BCAS4: variants seen among roughly 807,000 people sequenced by gnomAD.
The protein encoded by BCAS4 is breast carcinoma-amplified sequence 4.
BCAS4 carries 9 observed loss-of-function variants against 15.7 expected under a neutral mutation model. That is an observed-to-expected ratio of 0.57 (90% confidence interval 0.34 to 1.00). The LOEUF (loss-of-function observed/expected upper bound fraction) is 1.00. Ranked by LOEUF, BCAS4 falls within the 50% of genes least tolerant of loss-of-function variation. The pLI, the probability that BCAS4 is intolerant of heterozygous loss-of-function variation, is 0.02. For synonymous variants in BCAS4, 101 were observed against 99.5 expected (o/e 1.02, Z -0.09); for missense variants, 225 against 239.1 (o/e 0.94, Z 0.39).
Position 50,814,560 on chromosome 20 carries a change from G to A in BCAS4, c.91-3651G>A, listed in dbSNP as rs574637922. ...TCAGCCTCCCAGCGTTGGGATTACAGGCATGAGCCGCTCTACCCAGCCCCA... is the reference window on the plus strand; with the variant it reads ...TCAGCCTCCCAGCGTTGGGATTACAAGCATGAGCCGCTCTACCCAGCCCCA... On this transcript the variant is annotated intron_variant, in intron 1 of 4. Transcript: ENST00000371608. Among the ~76,000 whole-genome samples the A allele has an allele frequency of 6.6e-5, 10 of 152,368 alleles. No homozygotes were observed. In the South Asian group the frequency reaches 2.1e-3, roughly 32 times the overall value.
chr20:50,810,589 G>GT (rs11316235), intron 1 of BCAS4, among the ~76,000 whole-genome samples: 21,466 of 135,910 alleles, frequency 0.16, 1,761 homozygotes, highest in African/African-American at 0.18. Flanking sequence ...TTTTTTTTGT[G>GT]TTTTTTTTTT....
At position 50,840,454 on chromosome 20, in the gene BCAS4, C is replaced by T. The variant is rs772587116; in HGVS notation, c.265-1312C>T. 50 of 860,462 alleles carry T rather than the reference C, an allele frequency of 5.8e-5. 1 individual carries two copies. The highest frequency in any genetic ancestry group is 4.3e-4 in the South Asian group (31 of 72,764). 53.3% of individuals were successfully genotyped at this position (860,462 alleles called of 1,614,324 possible). A position where few individuals can be genotyped will look rare whatever the true frequency, so the allele number is the denominator to read the frequency against. ...GATAGACAGATGGGAGAGGCAGTCG[C>T]GGCCTTCGTTGTCAGTAGTTCTTTG... On this transcript the variant is annotated intron_variant, in intron 3 of 4. Coordinates refer to ENST00000371608, the MANE Select transcript of BCAS4 (RefSeq NM_198799.4).
Position 50,841,589 on chromosome 20 carries a change from G to T in BCAS4, c.265-177G>T, listed in dbSNP as rs185275729. On this transcript the variant is annotated intron_variant, in intron 3 of 4. Transcript: ENST00000371608. ...CAGCGGGAGCTGTGACCGTTGTCAGGGTTTCTGCAGGTGCCCCTCCAGCTA... is the reference window on the plus strand; with the variant it reads ...CAGCGGGAGCTGTGACCGTTGTCAGTGTTTCTGCAGGTGCCCCTCCAGCTA... Among the ~76,000 whole-genome samples, 43 of 152,256 alleles carry T rather than the reference G, an allele frequency of 2.8e-4. No individual in the cohort carries two copies. In the East Asian group the frequency reaches 7.6e-3, roughly 27 times the overall value.
chr20:50,846,475 AT>A, intron 4 of BCAS4, among the ~76,000 whole-genome samples: 1 of 152,260 alleles, frequency 6.6e-6, no homozygotes, highest in East Asian at 1.9e-4. Context: ...TATTAAAATA[AT>A]ACCTTTTTGA....
At chr20:50,801,344 T>C (rs527455757) in intron 1 of BCAS4, among the ~76,000 whole-genome samples, 1 of 152,252 alleles carries the variant, frequency 6.6e-6, no homozygotes, top group African/African-American at 2.4e-5. Context: ...GAGAATTGCT[T>C]GAACCCGGGA....
In BCAS4 at chr20:50,851,376, G is replaced by A. The variant is rs1468779620; in HGVS notation, c.399+9476G>A. On this transcript the variant is annotated intron_variant, in intron 4 of 4. Transcript: ENST00000371608. The surrounding 1 kb of genome is among the most constrained non-coding windows in gnomAD (Gnocchi z 4.3). Reference sequence around the variant, plus strand: ...CCAGCCCCCTCCCCACGGCTCCCAGGGACCTCCCGGGTTCGTTTCCTTCAA... The same window carrying A: ...CCAGCCCCCTCCCCACGGCTCCCAGAGACCTCCCGGGTTCGTTTCCTTCAA... Among the ~76,000 whole-genome samples the A allele has an allele frequency of 6.6e-6, 1 of 152,130 alleles. No individual in the cohort carries two copies. The highest frequency in any genetic ancestry group is 1.9e-4 in the East Asian group (1 of 5,180).
chr20:50,830,348 C>T lies in BCAS4; in HGVS notation c.232C>T (p.Arg78Cys), dbSNP rs111566476. ...CCTTAAGGCCAAACTGACAGAAATG[C>T]GTGGCATCTATGCCAAAGTGGACCG... ...PVLKAKLTEMRGIYAKVDRLE... is the reference protein window; with the variant it reads ...PVLKAKLTEMCGIYAKVDRLE... Residue 78 changes from arginine to cysteine, a missense_variant, in exon 3 of 5, where the codon CGT becomes TGT. Coordinates refer to ENST00000371608, the MANE Select transcript of BCAS4 (RefSeq NM_198799.4). 43 of 1,613,524 alleles carry T rather than the reference C, an allele frequency of 2.7e-5. No individual in the cohort carries two copies. Among genetic ancestry groups the T allele is most frequent in the Middle Eastern group, 1.6e-4 (1 of 6,078 alleles).
chr20:50,848,495 G>C (rs115826441), intron 4 of BCAS4, among the ~76,000 whole-genome samples: 13 of 152,376 alleles, frequency 8.5e-5, no homozygotes, highest in African/African-American at 2.9e-4. Flanking sequence ...CCAGGGCAGA[G>C]TGGAGAGAGA....
intron 1 of BCAS4, among the ~76,000 whole-genome samples, chr20:50,797,959 G>C (rs113794154): frequency 0.21 from 32,316 of 151,700 alleles, 3,636 homozygotes; most frequent in African/African-American, 0.29. Flanking sequence ...GCCACTGTGC[G>C]TGGCCACCTA....
At chr20:50,812,865 G>A (rs1283646137) in intron 1 of BCAS4, among the ~76,000 whole-genome samples, 1 of 152,022 alleles carries the variant, frequency 6.6e-6, no homozygotes, top group East Asian at 1.9e-4. Flanking sequence ...ATCCAGGCTG[G>A]AGTGCAGTGG....
At chr20:50,810,942 T>C (rs962715372) in intron 1 of BCAS4, among the ~76,000 whole-genome samples, 2 of 151,900 alleles carry the variant, frequency 1.3e-5, no homozygotes, top group Non-Finnish European at 2.9e-5. Flanking sequence ...GAAAAGTAAA[T>C]TGGGGCAGGA....
At chr20:50,846,875 A>C (rs1305060686) in intron 4 of BCAS4, 1 of 151,962 alleles carries the variant, frequency 6.6e-6, no homozygotes, top group African/African-American at 2.4e-5. Flanking sequence ...CGGCCTCCCA[A>C]AGTGCTGGGA....
chr20:50,857,109 G>C (rs762678064), intron 4 of BCAS4, among the ~76,000 whole-genome samples: 2 of 152,188 alleles, frequency 1.3e-5, no homozygotes, highest in Non-Finnish European at 2.9e-5. Context: ...AGAATGAAAT[G>C]AGCCTTCACT....
intron 2 of BCAS4, among the ~76,000 whole-genome samples, chr20:50,828,218 C>T (rs1035125509): frequency 5.3e-4 from 81 of 151,762 alleles, no homozygotes; most frequent in African/African-American, 1.4e-3. Flanking sequence ...AACGAGTATC[C>T]CTGAGGACAC....
At chr20:50,807,940 C>A (rs1327229511) in intron 1 of BCAS4, among the ~76,000 whole-genome samples, 1 of 145,566 alleles carries the variant, frequency 6.9e-6, no homozygotes, top group African/African-American at 2.6e-5. Flanking sequence ...GGGAGTCTCG[C>A]TCTCTTACCC....
downstream of BCAS4, chr20:50,881,807 C>G (rs371247151): frequency 6.6e-6 from 1 of 152,036 alleles, no homozygotes; most frequent in Non-Finnish European, 1.5e-5. Context: ...ATTACAGGTG[C>G]GCACCACCAT....
At chr20:50,795,272 A>G (rs1445243319) in intron 1 of BCAS4, 99 bp downstream of exon 1, 1 of 1,110,012 alleles carries the variant, frequency 9.0e-7, no homozygotes, top group African/African-American at 1.6e-5. Flanking sequence ...TCGCTCCCGG[A>G]GTGGGGGGCC....
intron 2 of BCAS4, among the ~76,000 whole-genome samples, chr20:50,823,331 C>T (rs2088239730): frequency 2.0e-5 from 3 of 151,948 alleles, no homozygotes; most frequent in South Asian, 4.1e-4. Context: ...CAGAGTGAGA[C>T]TCCGTCCCCC....
intron 2 of BCAS4, among the ~76,000 whole-genome samples, chr20:50,829,691 C>T (rs1318371257): frequency 6.6e-6 from 1 of 151,896 alleles, no homozygotes; most frequent in Non-Finnish European, 1.5e-5. Flanking sequence ...GAACCATCAG[C>T]GTCTGATATC....
Sources: allele counts gnomAD v4.1 joint callset (sites outside exome capture counted in the v4.1 genomes callset), GRCh38; gene constraint gnomAD v4.1.1; non-coding constraint Gnocchi (gnomAD v3.1); transcripts MANE v1.5; gene names NCBI Gene and HGNC (gene_info 2026-07-23, HGNC 2026-07-21).